The following NRXN2 variants were observed in gnomAD, a reference collection of about 807,000 sequenced individuals.
NRXN2 encodes the protein neurexin-2-beta.
In NRXN2, 29 loss-of-function variants were observed where a neutral mutation model predicts 128.8. The observed-to-expected ratio is 0.23, with a 90% CI of 0.17 to 0.31. The LOEUF is 0.31. Ranked by LOEUF, NRXN2 falls within the 10% of genes least tolerant of loss-of-function variation. NRXN2 has a pLI of 1.00. For synonymous variants in NRXN2, 1,098 were observed against 1,075.2 expected (o/e 1.02, Z -0.41); for missense variants, 1,881 against 2,452.6 (o/e 0.77, Z 4.92).
intron 8 of NRXN2, among the ~76,000 whole-genome samples, chr11:64,668,011 G>T (rs1328379362): frequency 6.6e-6 from 1 of 152,188 alleles, no homozygotes; most frequent in Non-Finnish European, 1.5e-5. Flanking sequence ...TCCACTCAAT[G>T]AAGTATGTTC....
At chr11:64,668,017 T>C (rs2050123814) in intron 8 of NRXN2, among the ~76,000 whole-genome samples, 1 of 152,236 alleles carries the variant, frequency 6.6e-6, no homozygotes, top group Admixed American at 6.5e-5. Context: ...CAATGAAGTA[T>C]GTTCACTTAC....
At position 64,661,031 on chromosome 11, in the gene NRXN2, C is replaced by A. The variant is rs573064828; in HGVS notation, c.1907G>T (p.Arg636Leu). 1 of 1,613,512 alleles carries A rather than the reference C, an allele frequency of 6.2e-7. No individual in the cohort carries two copies. Among genetic ancestry groups the A allele is most frequent in the Non-Finnish European group, 8.5e-7 (1 of 1,179,992 alleles). The change falls in exon 10 of 23, where the codon CGG becomes CTG. Residue 636 changes from arginine (R) to leucine (L), a missense_variant. Arg to Leu is a moderately radical substitution (Grantham distance 102). Coordinates refer to ENST00000265459, the MANE Select transcript of NRXN2 (RefSeq NM_015080.4). The stretch of plus-strand genomic sequence containing the variant: ...CTCTGGGGGCAGGGGCAGGTCCACC[C>A]GGCCCCCCTCAGGGAGACCGCCCAG... ...LYLGGLPEGG[R>L]VDLPLPPEVW...
At position 64,622,820 on chromosome 11, in the gene NRXN2, G is replaced by A; in HGVS notation, c.4106C>T (p.Thr1369Ile). Residue 1369 changes from threonine (T) to isoleucine (I), a missense_variant, in exon 21 of 23, where the codon ACC (threonine) becomes ATC (isoleucine). Thr to Ile is a moderately conservative substitution (Grantham distance 89, BLOSUM62 -1). Transcript: ENST00000265459. The surrounding 1 kb of genome is among the most constrained non-coding windows in gnomAD (Gnocchi z 4.3). ...ADMATTIMET[T>I]TTMATTTTRR... ...CGTGGTGGTAGTGGCCATGGTGGTG[G>A]TAGTCTCCATGATGGTGGTGGCCAT... is the stretch of plus-strand genomic sequence containing the variant. The A allele has an allele frequency of 6.2e-7, 1 of 1,612,756 alleles. No individual in the cohort carries two copies. The highest frequency in any genetic ancestry group is 8.5e-7 in the Non-Finnish European group (1 of 1,179,948).
intron 3 of NRXN2, among the ~76,000 whole-genome samples, chr11:64,693,764 G>A (rs916729217): frequency 6.6e-6 from 1 of 152,260 alleles, no homozygotes; most frequent in East Asian, 1.9e-4. Context: ...AGAGACTGGG[G>A]TCAGAGCTCT....
At chr11:64,664,368 C>T (rs1032916950) in intron 9 of NRXN2, among the ~76,000 whole-genome samples, 2 of 151,016 alleles carry the variant, frequency 1.3e-5, no homozygotes, top group African/African-American at 2.4e-5. Flanking sequence ...AATCCCAGAA[C>T]TTGGAAGGCT....
At chr11:64,661,339 C>T (rs2049002318) in intron 9 of NRXN2, 200 bp from the exon 10 acceptor site, 2 of 1,460,576 alleles carry the variant, frequency 1.4e-6, no homozygotes, top group Non-Finnish European at 1.8e-6. Flanking sequence ...CCCCCAGGCT[C>T]AGAGGCTTCT....
chr11:64,640,404 G>C (rs2045484420), intron 17 of NRXN2, among the ~76,000 whole-genome samples: 1 of 152,100 alleles, frequency 6.6e-6, no homozygotes, highest in Non-Finnish European at 1.5e-5. Context: ...CAGTATCCCT[G>C]ACTTCCTTTA....
intron 17 of NRXN2, among the ~76,000 whole-genome samples, chr11:64,639,961 G>A (rs1249394966): frequency 3.3e-5 from 5 of 152,092 alleles, no homozygotes; most frequent in East Asian, 1.9e-4. Context: ...AATGGTTAAC[G>A]GGAGCAAAGG....
intron 3 of NRXN2, among the ~76,000 whole-genome samples, chr11:64,696,986 GGA>G (rs936084290): frequency 1.3e-5 from 2 of 152,186 alleles, no homozygotes; most frequent in African/African-American, 4.8e-5. Context: ...GCCTGGGGAA[GGA>G]GAGACACATG....
rs190462122 is a variant in NRXN2, at chr11:64,611,108, A to G, written c.4253-3026T>C. Among the ~76,000 whole-genome samples, 216 of 152,338 alleles carry G rather than the reference A, an allele frequency of 1.4e-3. 1 individual carries two copies. The highest frequency in any genetic ancestry group is 5.0e-3 in the African/African-American group (208 of 41,584). ...CCTATCTGTCTCCCTAACCTCCAGC[A>G]GTGGGCCTGGCACAGAATTGGGGCT... On this transcript the variant is annotated intron_variant, in intron 22 of 22. Transcript: ENST00000265459.
intron 22 of NRXN2, among the ~76,000 whole-genome samples, chr11:64,614,358 C>T (rs745566420): frequency 2.0e-5 from 3 of 152,198 alleles, no homozygotes; most frequent in Non-Finnish European, 2.9e-5. Flanking sequence ...GGCTTGAGAA[C>T]TGTGTCTAGG....
chr11:64,665,783 GATA>G (rs1171141681), intron 9 of NRXN2, among the ~76,000 whole-genome samples: 1 of 152,204 alleles, frequency 6.6e-6, no homozygotes, highest in East Asian at 1.9e-4. Context: ...GCTTAAATTG[GATA>G]ATGTGTCAGT....
At chr11:64,694,104 G>C (rs1211451414) in intron 3 of NRXN2, among the ~76,000 whole-genome samples, 1 of 152,164 alleles carries the variant, frequency 6.6e-6, no homozygotes, top group Non-Finnish European at 1.5e-5. Context: ...CTCTCTCCTA[G>C]AGAGGCTGGC....
intron 2 of NRXN2, chr11:64,712,563 C>G: frequency 2.8e-6 from 1 of 358,788 alleles, no homozygotes; most frequent in Admixed American, 3.5e-5. Context: ...TTCAGGGGCC[C>G]CATGGTCCCC....
At chr11:64,684,742 A>G (rs906728802) in intron 6 of NRXN2, among the ~76,000 whole-genome samples, 1 of 152,212 alleles carries the variant, frequency 6.6e-6, no homozygotes, top group African/African-American at 2.4e-5. Context: ...TTCAGAGAAG[A>G]TAACTAGGAA....
chr11:64,635,366 G>C lies in NRXN2; in HGVS notation c.3490C>G (p.Arg1164Gly). Residue 1164 changes from arginine (R) to glycine (G), a missense_variant, in exon 18 of 23, where the codon CGC becomes GGC. By Grantham distance (125) the Arg-to-Gly change is moderately radical. Transcript: ENST00000265459. This position sits in a 1 kb window ranked among gnomAD's most constrained non-coding sequence, Gnocchi z 4.8. The stretch of plus-strand genomic sequence containing the variant: ...TGGGTGCTGAAGCCCACGGCCAGGC[G>C]ATCCATCCTCGTGCTGGGCCTGTCA... The part of the protein sequence containing the change: ...PNDRPSTRMD[R>G]LAVGFSTHQR... 1 of 1,613,686 alleles carries C rather than the reference G, an allele frequency of 6.2e-7. No individual in the cohort carries two copies. The highest frequency in any genetic ancestry group is 1.7e-5 in the Admixed American group (1 of 60,024).
At chr11:64,690,512 G>C (rs954805576) in intron 4 of NRXN2, 36 bp from the exon 5 acceptor site, 2 of 1,573,042 alleles carry the variant, frequency 1.3e-6, no homozygotes, top group Admixed American at 1.7e-5. Context: ...GGCACAGGGG[G>C]TACCGAGCCA....
In NRXN2 at chr11:64,667,738, G is replaced by A. The variant is rs772187548; in HGVS notation, c.1360-50C>T. The A allele has an allele frequency of 6.5e-5, 102 of 1,580,960 alleles. No individual in the cohort carries two copies. The highest frequency in any genetic ancestry group is 8.6e-5 in the Non-Finnish European group (99 of 1,154,974). ...ATAAAGAATCCGAAAGCAGCTTAGG[G>A]CCTGGCCACTCCCACCCAGCAGCGA... On this transcript the variant is annotated intron_variant, in intron 8 of 22. Transcript: ENST00000265459. The surrounding 1 kb of genome is among the most constrained non-coding windows in gnomAD (Gnocchi z 5.6).
At chr11:64,626,601 A>G (rs1046699768) in intron 19 of NRXN2, 49 bp from the exon 20 acceptor site, 1 of 1,383,198 alleles carries the variant, frequency 7.2e-7, no homozygotes, top group Non-Finnish European at 1.0e-6. Context: ...GCGAAGTCCA[A>G]AGGAGTTAGA....
Sources: gnomAD v4.1 joint callset for allele counts (sites outside exome capture counted in the v4.1 genomes callset) on GRCh38, gnomAD v4.1.1 for gene constraint, Gnocchi (gnomAD v3.1) non-coding constraint, MANE v1.5 for transcripts, NCBI Gene and HGNC (gene_info 2026-07-23, HGNC 2026-07-21) for gene names.